CRMP1: variants seen among roughly 807,000 people sequenced by gnomAD.
CRMP1 encodes dihydropyrimidinase-related protein 1.
In CRMP1, 19 loss-of-function variants were observed where a neutral mutation model predicts 68.3. That is an observed-to-expected ratio of 0.28 (90% CI 0.19 to 0.41). CRMP1 has a LOEUF of 0.41. Ranked by LOEUF, CRMP1 falls within the 10% of genes least tolerant of loss-of-function variation. CRMP1 has a pLI of 1.00. For synonymous variants in CRMP1, 439 were observed against 399.6 expected (o/e 1.10, Z -1.18); for missense variants, 791 against 967.4 (o/e 0.82, Z 2.42).
chr4:5,859,897 G>T lies in CRMP1; in HGVS notation c.655+1129C>A, dbSNP rs115079385. 6.6e-6 allele frequency among the ~76,000 whole-genome samples: 1 copy of T among 152,132 alleles called. No individual in the cohort carries two copies. The highest frequency in any genetic ancestry group is 1.5e-5 in the Non-Finnish European group (1 of 68,018). ...AGGGTTGGGGCCAGCTTACAGACAGGCCTCCTGAAACCGAAGAGCCTAACA... is the reference window on the plus strand; with the variant it reads ...AGGGTTGGGGCCAGCTTACAGACAGTCCTCCTGAAACCGAAGAGCCTAACA... On this transcript the variant is annotated intron_variant, in intron 3 of 13. Transcript: ENST00000324989. This position sits in a 1 kb window ranked among gnomAD's most constrained non-coding sequence, Gnocchi z 5.2.
At position 5,888,429 on chromosome 4, in the gene CRMP1, C is replaced by T. The variant is rs1715759329; in HGVS notation, c.381+4160G>A. On this transcript the variant is annotated intron_variant, in intron 1 of 13. Transcript: ENST00000324989. This position sits in a 1 kb window ranked among gnomAD's most constrained non-coding sequence, Gnocchi z 6.4. ...CGTGGATGCCCACGCGCGGCTGCCC[C>T]GGCTGCTCGGCCCGCCCGCCGCCGC... The T allele has an allele frequency of 4.1e-6, 5 of 1,215,330 alleles. No individual in the cohort carries two copies. The allele number at this position is 1,215,330 out of a possible 1,614,324, so 75.3% of individuals were successfully genotyped here. A position where few individuals can be genotyped will look rare whatever the true frequency, so the allele number is the denominator to read the frequency against.
At chr4:5,835,786 T>C (rs914254224) in intron 11 of CRMP1, 129 bp downstream of exon 11, 135 of 1,115,758 alleles carry the variant, frequency 1.2e-4, no homozygotes, top group Non-Finnish European at 1.6e-4. Flanking sequence ...GAAATGGGAA[T>C]GACTGAGTCA....
rs1038925288 is a variant in CRMP1, at chr4:5,828,411, C to T, written c.1803+78G>A. On this transcript the variant is annotated intron_variant, in intron 12 of 13. Transcript: ENST00000324989. ...GCGATGACATTATTAACTCTGCACA[C>T]GTCAGATCTCGATTCCCCAAGAGAC... The T allele has an allele frequency of 1.9e-5, 30 of 1,546,734 alleles. 1 individual carries two copies. The highest frequency in any genetic ancestry group is 1.3e-4 in the South Asian group (10 of 79,894).
chr4:5,836,916 A>G lies in CRMP1; in HGVS notation c.1311-10T>C. 6.2e-7 allele frequency: 1 copy of G among 1,605,304 alleles called. No homozygotes were observed. The highest frequency in any genetic ancestry group is 1.1e-5 in the South Asian group (1 of 89,540). ...GACCTGCAAGTCCCCACTGGCAAGG[A>G]CAAAACAAGGTAGAGTTCAGACCCT... is the stretch of plus-strand genomic sequence containing the variant. On this transcript the variant is annotated splice_polypyrimidine_tract_variant and intron_variant, in intron 9 of 13. Transcript: ENST00000324989.
chr4:5,875,935 G>C (rs192261342), intron 1 of CRMP1, among the ~76,000 whole-genome samples: 200 of 152,216 alleles, frequency 1.3e-3, no homozygotes, highest in African/African-American at 4.6e-3. Flanking sequence ...GGTGGATCAT[G>C]AGGTCAGGAG....
rs1158080602 is a variant in CRMP1 at position 5,888,669 on chromosome 4, C to A, written c.381+3920G>T. ...CCCAGCCCCGCCGACCCCCGCCCTG[C>A]GCACACGCCCTTGGCGGGCCCTGGC... On this transcript the variant is annotated intron_variant, in intron 1 of 13. Coordinates refer to ENST00000324989, the MANE Select transcript of CRMP1 (RefSeq NM_001014809.3). The surrounding 1 kb of genome is among the most constrained non-coding windows in gnomAD (Gnocchi z 6.4). The A allele has an allele frequency of 1.0e-6, 1 of 958,184 alleles. No homozygotes were observed. Among genetic ancestry groups the A allele is most frequent in the Non-Finnish European group, 1.2e-6 (1 of 806,120 alleles). 59.4% of individuals were successfully genotyped at this position (958,184 alleles called of 1,614,324 possible). A position where few individuals can be genotyped will look rare whatever the true frequency, so the allele number is the denominator to read the frequency against.
At chr4:5,835,561 TAATTA>T (rs1217272072) in intron 11 of CRMP1, among the ~76,000 whole-genome samples, 2 of 152,238 alleles carry the variant, frequency 1.3e-5, no homozygotes, top group Non-Finnish European at 2.9e-5. Context: ...TCCAGCTTGA[TAATTA>T]AATTGAGAAC....
In CRMP1 at chr4:5,858,312, G is replaced by A. The variant is rs1163363663; in HGVS notation, c.656-2005C>T. Among the ~76,000 whole-genome samples, 1 of 151,970 alleles carries A rather than the reference G, an allele frequency of 6.6e-6. No individual in the cohort carries two copies. The highest frequency in any genetic ancestry group is 1.5e-5 in the Non-Finnish European group (1 of 68,006). ...AACACACCACTTGCTCTGAGCTACA[G>A]AACTCTGAACCCGGTTGTGTTCTTG... is the stretch of plus-strand genomic sequence containing the variant. On this transcript the variant is annotated intron_variant, in intron 3 of 13. Coordinates refer to ENST00000324989, the MANE Select transcript of CRMP1 (RefSeq NM_001014809.3). This position sits in a 1 kb window ranked among gnomAD's most constrained non-coding sequence, Gnocchi z 5.5.
chr4:5,841,261 C>T lies in CRMP1; in HGVS notation c.1153+47G>A. ...TGAACTTGAACCTGCAGGACACCCC[C>T]TTCCAGGCCCCAGCTGCCCCCAGAA... is the stretch of plus-strand genomic sequence containing the variant. On this transcript the variant is annotated intron_variant, in intron 8 of 13. Transcript: ENST00000324989. The surrounding 1 kb of genome is among the most constrained non-coding windows in gnomAD (Gnocchi z 6.9). 2.5e-6 allele frequency: 4 copies of T among 1,613,426 alleles called. No homozygotes were observed. The highest frequency in any genetic ancestry group is 1.7e-6 in the Non-Finnish European group (2 of 1,179,834).
chr4:5,863,685 T>G (rs1024945798), intron 2 of CRMP1, among the ~76,000 whole-genome samples: 2 of 151,338 alleles, frequency 1.3e-5, no homozygotes, highest in Non-Finnish European at 2.9e-5. Flanking sequence ...CAAGGCTGAG[T>G]GAGTTAAATG....
rs1225750191 is a variant in CRMP1 at position 5,892,973 on chromosome 4, C to T, written c.-4G>A. 9 of 1,184,324 alleles carry T rather than the reference C, an allele frequency of 7.6e-6. No individual in the cohort carries two copies. Among genetic ancestry groups the T allele is most frequent in the Middle Eastern group, 3.2e-4 (1 of 3,130 alleles). The allele number at this position is 1,184,324 out of a possible 1,614,324, so 73.4% of individuals were successfully genotyped here. On this transcript the variant is annotated 5_prime_UTR_variant, in exon 1 of 14. Coordinates refer to ENST00000324989, the MANE Select transcript of CRMP1 (RefSeq NM_001014809.3). This position sits in a 1 kb window ranked among gnomAD's most constrained non-coding sequence, Gnocchi z 8.6. ...ACGCGCGCCGCCGGTCCGCCATACC[C>T]GTCCAAGGCCGGCCACCCACCGCGC...
intron 11 of CRMP1, among the ~76,000 whole-genome samples, chr4:5,829,329 C>A (rs1171224978): frequency 6.6e-6 from 1 of 152,138 alleles, no homozygotes; most frequent in African/African-American, 2.4e-5. Context: ...GTGGAGGTTG[C>A]AGTGAGCCGA....
In CRMP1 at chr4:5,883,866, G is replaced by T. The variant is rs934829823; in HGVS notation, c.381+8723C>A. 2.0e-5 allele frequency among the ~76,000 whole-genome samples: 3 copies of T among 152,304 alleles called. No individual in the cohort carries two copies. The East Asian group carries it at 5.8e-4, about 29-fold the overall frequency. On this transcript the variant is annotated intron_variant, in intron 1 of 13. Coordinates refer to ENST00000324989, the MANE Select transcript of CRMP1 (RefSeq NM_001014809.3). This position sits in a 1 kb window ranked among gnomAD's most constrained non-coding sequence, Gnocchi z 4.5. The stretch of plus-strand genomic sequence containing the variant: ...TTGGCCATGTTTATTAGAAGAAATG[G>T]GCATTCACGGTTAAGGTGGTATAGT...
In CRMP1 at chr4:5,858,902, A is replaced by T. The variant is rs565950366; in HGVS notation, c.655+2124T>A. Among the ~76,000 whole-genome samples, 9 of 152,222 alleles carry T rather than the reference A, an allele frequency of 5.9e-5. No individual in the cohort carries two copies. In the South Asian group the frequency reaches 1.7e-3, roughly 28 times the overall value. On this transcript the variant is annotated intron_variant, in intron 3 of 13. Transcript: ENST00000324989. The surrounding 1 kb of genome is among the most constrained non-coding windows in gnomAD (Gnocchi z 5.5). ...TGTTCTCACCTCAGGGCCTTTGCAC[A>T]TGCTATTCCCTCCTCCTGGGGCTCT...
At chr4:5,832,600 T>C (rs561000315) in intron 11 of CRMP1, among the ~76,000 whole-genome samples, 17 of 152,346 alleles carry the variant, frequency 1.1e-4, no homozygotes, top group Non-Finnish European at 2.5e-4. Context: ...ATTGCAATTA[T>C]GTGGATGGCA....
rs1715787859 is a variant in CRMP1, at chr4:5,888,671, C to T, written c.381+3918G>A. 2 of 961,946 alleles carry T rather than the reference C, an allele frequency of 2.1e-6. No homozygotes were observed. Among genetic ancestry groups the T allele is most frequent in the South Asian group, 9.6e-5 (2 of 20,742 alleles). The allele number at this position is 961,946 out of a possible 1,614,324, so 59.6% of individuals were successfully genotyped here. A position where few individuals can be genotyped will look rare whatever the true frequency, so the allele number is the denominator to read the frequency against. ...CAGCCCCGCCGACCCCCGCCCTGCG[C>T]ACACGCCCTTGGCGGGCCCTGGCCT... is the stretch of plus-strand genomic sequence containing the variant. On this transcript the variant is annotated intron_variant, in intron 1 of 13. Transcript: ENST00000324989. This position sits in a 1 kb window ranked among gnomAD's most constrained non-coding sequence, Gnocchi z 6.4.
intron 11 of CRMP1, among the ~76,000 whole-genome samples, chr4:5,831,724 A>C (rs370544784): frequency 6.6e-6 from 1 of 152,228 alleles, no homozygotes; most frequent in East Asian, 1.9e-4. Context: ...GGCCCTGGTC[A>C]TATCACAAAT....
At chr4:5,833,255 C>A (rs2152457173) in intron 11 of CRMP1, among the ~76,000 whole-genome samples, 1 of 132,818 alleles carries the variant, frequency 7.5e-6, no homozygotes, top group East Asian at 2.1e-4. Flanking sequence ...CAAGCTCCGC[C>A]TCCCGGGTTC....
chr4:5,892,703 G>A lies in CRMP1; in HGVS notation c.267C>T (p.Ser89=), dbSNP rs1300560490. The change falls in exon 1 of 14, where the codon AGC becomes AGT. Residue 89 remains serine, a synonymous_variant. Coordinates refer to ENST00000324989, the MANE Select transcript of CRMP1 (RefSeq NM_001014809.3). This position sits in a 1 kb window ranked among gnomAD's most constrained non-coding sequence, Gnocchi z 8.6. ...AGCTGACCGCGGAGCCCGAGGGCTC[G>A]CTCACGTCGCTGGCCGTGTCCTCGC... ...GGSEDTASDV[S]EPSGSAVSSP... is the part of the protein sequence containing the mutation. The A allele has an allele frequency of 8.2e-7, 1 of 1,226,098 alleles. No individual in the cohort carries two copies. The highest frequency in any genetic ancestry group is 1.0e-6 in the Non-Finnish European group (1 of 983,010). 76.0% of individuals were successfully genotyped at this position (1,226,098 alleles called of 1,614,324 possible).
Sources: gnomAD v4.1 joint callset for allele counts (sites outside exome capture counted in the v4.1 genomes callset) on GRCh38, gnomAD v4.1.1 for gene constraint, Gnocchi (gnomAD v3.1) non-coding constraint, MANE v1.5 for transcripts, NCBI Gene and HGNC (gene_info 2026-07-23, HGNC 2026-07-21) for gene names.